RAMP1: variants seen among roughly 807,000 people sequenced by gnomAD.
RAMP1 encodes the protein receptor activity modifying protein 1.
In RAMP1, 7 loss-of-function variants were observed where a neutral mutation model predicts 8.2. The ratio of observed to expected loss-of-function variants is 0.85; its 90% CI spans 0.49 to 1.60. RAMP1 has a LOEUF of 1.60. Among genes scored for constraint, RAMP1 ranks in the 40% most tolerant of loss-of-function variants. The probability of loss-of-function intolerance (pLI) is 0.00; values close to 1 mark genes in which losing one functional copy is unlikely to be tolerated. For synonymous variants in RAMP1, 92 were observed against 84.7 expected, an observed-to-expected ratio of 1.09 and a Z score of -0.47; for missense variants, 192 against 202.4, an observed-to-expected ratio of 0.95 and a Z score of 0.31.
intron 2 of RAMP1, among the ~76,000 whole-genome samples, chr2:237,885,612 C>T (rs909677181): frequency 2.0e-5 from 3 of 152,218 alleles, no homozygotes; most frequent in Non-Finnish European, 4.4e-5. Flanking sequence ...ATGGCAGTGC[C>T]CAGCACAGCC....
At chr2:237,861,617 G>T (rs1340748822) in intron 1 of RAMP1, among the ~76,000 whole-genome samples, 5 of 152,178 alleles carry the variant, frequency 3.3e-5, no homozygotes, top group African/African-American at 1.2e-4. Context: ...GGAGGCTGAG[G>T]TGGGTGAATC....
chr2:237,870,442 A>G (rs2117362), intron 1 of RAMP1, among the ~76,000 whole-genome samples: 15,880 of 152,270 alleles, frequency 0.1, 1,943 homozygotes, highest in African/African-American at 0.29. Flanking sequence ...TCTGGCTTTA[A>G]GAAGTATGCT....
At chr2:237,909,019 T>C (rs895746424) in intron 2 of RAMP1, among the ~76,000 whole-genome samples, 1 of 152,140 alleles carries the variant, frequency 6.6e-6, no homozygotes, top group Non-Finnish European at 1.5e-5. Flanking sequence ...ACTGGCATCA[T>C]GGATACGGGG....
chr2:237,884,601 T>A (rs920268589), intron 2 of RAMP1, among the ~76,000 whole-genome samples: 28 of 152,090 alleles, frequency 1.8e-4, no homozygotes, highest in African/African-American at 6.3e-4. Context: ...GGCTTCAGGG[T>A]CTGAGTGCCA....
intron 2 of RAMP1, among the ~76,000 whole-genome samples, chr2:237,883,332 C>A (rs1467100950): frequency 6.6e-6 from 1 of 151,514 alleles, no homozygotes; most frequent in African/African-American, 2.4e-5. Flanking sequence ...CTATGAGCGA[C>A]GTAGACAAAG....
At chr2:237,885,862 G>A (rs901676496) in intron 2 of RAMP1, among the ~76,000 whole-genome samples, 3 of 152,200 alleles carry the variant, frequency 2.0e-5, no homozygotes, top group African/African-American at 7.2e-5. Flanking sequence ...CAGGGGCACG[G>A]AAACCCGGCT....
chr2:237,879,296 A>C (rs1394248909), intron 2 of RAMP1, among the ~76,000 whole-genome samples: 1 of 151,990 alleles, frequency 6.6e-6, no homozygotes, highest in African/African-American at 2.4e-5. Flanking sequence ...AGGGTAATGC[A>C]CACAGTGTTC....
intron 2 of RAMP1, among the ~76,000 whole-genome samples, chr2:237,885,750 G>A (rs2062422414): frequency 6.6e-6 from 1 of 152,214 alleles, no homozygotes; most frequent in African/African-American, 2.4e-5. Flanking sequence ...CACCAGGCGT[G>A]AAGCCAGTTC....
chr2:237,880,176 G>A (rs993497787), intron 2 of RAMP1, among the ~76,000 whole-genome samples: 1 of 151,236 alleles, frequency 6.6e-6, no homozygotes, highest in Admixed American at 6.6e-5. Flanking sequence ...ACGGCAAAGG[G>A]GATAAAGTCA....
intron 1 of RAMP1, among the ~76,000 whole-genome samples, chr2:237,875,233 A>G (rs1179693121): frequency 1.3e-5 from 2 of 152,080 alleles, no homozygotes; most frequent in African/African-American, 2.4e-5. Flanking sequence ...TGGGGGTGAA[A>G]GAAGCCCCCA....
rs1036160701 is a variant in RAMP1 at position 237,878,784 on chromosome 2, G to A, written c.191+1422G>A. On this transcript the variant is annotated intron_variant, in intron 2 of 2. Transcript: ENST00000254661. This position sits in a 1 kb window ranked among gnomAD's most constrained non-coding sequence, Gnocchi z 5.7. ...TTTTTAAAAAGTAGGAAAGCATGGG[G>A]TATATGCAGGTGTGCATGCTGGGAT... Among the ~76,000 whole-genome samples, 25 of 152,250 alleles carry A rather than the reference G, an allele frequency of 1.6e-4. No individual in the cohort carries two copies. Among genetic ancestry groups the A allele is most frequent in the African/African-American group, 5.8e-4 (24 of 41,458 alleles).
At chr2:237,893,811 C>T (rs902446008) in intron 2 of RAMP1, among the ~76,000 whole-genome samples, 2 of 151,930 alleles carry the variant, frequency 1.3e-5, no homozygotes, top group African/African-American at 4.8e-5. Context: ...TGGTGGCACG[C>T]ACCTGCAGTC....
chr2:237,909,208 G>T (rs1253031829), intron 2 of RAMP1, among the ~76,000 whole-genome samples: 1 of 152,180 alleles, frequency 6.6e-6, no homozygotes, highest in Non-Finnish European at 1.5e-5. Flanking sequence ...GAGGGCGAGG[G>T]ACAGTGGTGA....
intron 2 of RAMP1, among the ~76,000 whole-genome samples, chr2:237,882,844 T>C (rs76033373): frequency 7.2e-5 from 11 of 151,816 alleles, no homozygotes; most frequent in South Asian, 2.1e-4. Flanking sequence ...TGTGGGCAGG[T>C]GGCACTGTGT....
intron 1 of RAMP1, among the ~76,000 whole-genome samples, chr2:237,867,397 A>G (rs1293365368): frequency 6.6e-6 from 1 of 151,706 alleles, no homozygotes; most frequent in Non-Finnish European, 1.5e-5. Context: ...GGTGATCCAC[A>G]CAGTTCAGAG....
intron 2 of RAMP1, among the ~76,000 whole-genome samples, chr2:237,888,330 C>T (rs1223530255): frequency 1.3e-5 from 2 of 152,104 alleles, no homozygotes; most frequent in South Asian, 2.1e-4. Flanking sequence ...GAATTACAGG[C>T]GTGAGCCACC....
At chr2:237,886,390 A>G (rs1006762416) in intron 2 of RAMP1, among the ~76,000 whole-genome samples, 1 of 152,164 alleles carries the variant, frequency 6.6e-6, no homozygotes, top group Non-Finnish European at 1.5e-5. Context: ...CGTGCGCGCC[A>G]TGGTGGGTTC....
At chr2:237,903,051 G>A (rs2062620374) in intron 2 of RAMP1, among the ~76,000 whole-genome samples, 2 of 152,086 alleles carry the variant, frequency 1.3e-5, no homozygotes, top group Admixed American at 1.3e-4. Flanking sequence ...GAGAGACTGG[G>A]TCTCACTAGG....
At chr2:237,886,112 C>T (rs1296498213) in intron 2 of RAMP1, among the ~76,000 whole-genome samples, 4 of 152,170 alleles carry the variant, frequency 2.6e-5, no homozygotes, top group African/African-American at 9.6e-5. Flanking sequence ...AGGCATCAGC[C>T]GGGGTGCCGG....
Sources: gnomAD v4.1 joint callset for allele counts (sites outside exome capture counted in the v4.1 genomes callset) on GRCh38, gnomAD v4.1.1 for gene constraint, Gnocchi (gnomAD v3.1) non-coding constraint, MANE v1.5 for transcripts, NCBI Gene and HGNC (gene_info 2026-07-23, HGNC 2026-07-21) for gene names.